Variants in SORBS2 observed in about 807,000 individuals in gnomAD.
The protein encoded by SORBS2 is sorbin and SH3 domain containing 2, also known as sorbin and SH3 domain-containing protein 2.
A neutral mutation model predicts 97.7 loss-of-function variants in SORBS2; 46 were observed. That is an observed-to-expected ratio of 0.47 (90% CI 0.37 to 0.60). The LOEUF (loss-of-function observed/expected upper bound fraction) is 0.60. Ranked by LOEUF, SORBS2 falls within the 20% of genes least tolerant of loss-of-function variation. The probability of loss-of-function intolerance (pLI) is 0.00; values close to 1 mark genes in which losing one functional copy is unlikely to be tolerated. For synonymous variants in SORBS2, 476 were observed against 473.4 expected, an observed-to-expected ratio of 1.01 and a Z score of -0.07; for missense variants, 1,316 against 1,282.3, an observed-to-expected ratio of 1.03 and a Z score of -0.40.
At chr4:185,887,463 G>A (rs766219802) in intron 1 of SORBS2, among the ~76,000 whole-genome samples, 4 of 152,140 alleles carry the variant, frequency 2.6e-5, no homozygotes, top group South Asian at 2.1e-4. Flanking sequence ...CAAAACTTGC[G>A]GGCATCGCAG....
chr4:185,724,371 A>G (rs569046758), intron 2 of SORBS2, among the ~76,000 whole-genome samples: 2 of 151,878 alleles, frequency 1.3e-5, no homozygotes, highest in African/African-American at 2.4e-5. Flanking sequence ...GCTAGTTAAT[A>G]GTCTTCATAG....
intron 2 of SORBS2, among the ~76,000 whole-genome samples, chr4:185,758,317 T>A (rs1409942643): frequency 6.6e-6 from 1 of 152,224 alleles, no homozygotes; most frequent in East Asian, 1.9e-4. Flanking sequence ...TAAGCCATCA[T>A]CTTTCTTGAT....
chr4:185,585,598 CA>C (rs1394650887), exon 15 of SORBS2: 2 of 151,802 alleles, frequency 1.3e-5, no homozygotes, highest in Non-Finnish European at 2.9e-5. Flanking sequence ...AATTCAAAGT[CA>C]ATTACCTGGA....
At chr4:185,621,507 A>G (rs1238801692) in intron 7 of SORBS2, among the ~76,000 whole-genome samples, 3 of 152,222 alleles carry the variant, frequency 2.0e-5, no homozygotes, top group Non-Finnish European at 4.4e-5. Flanking sequence ...TAGCTAATTT[A>G]TTAAAAAATG....
intron 2 of SORBS2, among the ~76,000 whole-genome samples, chr4:185,722,177 G>T (rs150838941): frequency 6.6e-6 from 1 of 152,126 alleles, no homozygotes; most frequent in Non-Finnish European, 1.5e-5. Flanking sequence ...ATGATGAAAC[G>T]GCTATGATCA....
rs144446536 is a variant in SORBS2 at position 185,930,055 on chromosome 4, C to T, written c.-338+26141G>A. The stretch of plus-strand genomic sequence containing the variant: ...AAGCACTTACCATGCATGGCACACA[C>T]GAGGGCAGAACAAATGTGTGTTATC... On this transcript the variant is annotated intron_variant, in intron 1 of 20. Coordinates refer to the SORBS2 transcript ENST00000284776. 1.2e-4 allele frequency among the ~76,000 whole-genome samples: 18 copies of T among 152,200 alleles called. No homozygotes were observed. In the East Asian group the frequency reaches 2.7e-3, roughly 23 times the overall value.
chr4:185,764,369 T>A (rs560362090), intron 2 of SORBS2, among the ~76,000 whole-genome samples: 1 of 152,210 alleles, frequency 6.6e-6, no homozygotes, highest in Non-Finnish European at 1.5e-5. Context: ...AATGACAAAC[T>A]ATTTGATAAC....
intron 1 of SORBS2, among the ~76,000 whole-genome samples, chr4:185,810,074 G>C (rs1395718967): frequency 6.6e-6 from 1 of 152,198 alleles, no homozygotes; most frequent in Non-Finnish European, 1.5e-5. Flanking sequence ...AACTAAGTCT[G>C]TTCATTTAGC....
intron 2 of SORBS2, among the ~76,000 whole-genome samples, chr4:185,711,888 C>T (rs538498668): frequency 4.3e-4 from 65 of 152,154 alleles, no homozygotes; most frequent in Non-Finnish European, 6.2e-4. Context: ...TGCTCCCCGC[C>T]ACCTATCCTC....
At chr4:185,657,645 C>G (rs749371013), upstream of SORBS2, 1 of 1,512,150 alleles carries the variant, frequency 6.6e-7, no homozygotes, top group South Asian at 1.2e-5. Context: ...CACAGGGAAT[C>G]ATAAATTCAT....
At chr4:185,843,462 A>G (rs1220079559) in intron 1 of SORBS2, among the ~76,000 whole-genome samples, 1 of 152,242 alleles carries the variant, frequency 6.6e-6, no homozygotes, top group African/African-American at 2.4e-5. Context: ...AAAGATATGC[A>G]AACAAGCTAC....
intron 1 of SORBS2, among the ~76,000 whole-genome samples, chr4:185,887,192 A>G (rs1031276685): frequency 3.3e-5 from 5 of 152,250 alleles, no homozygotes; most frequent in African/African-American, 9.6e-5. Flanking sequence ...GCACCCACCT[A>G]CATAGGCGCT....
At chr4:185,645,467 G>A (rs1024798008) in intron 4 of SORBS2, 1 of 152,124 alleles carries the variant, frequency 6.6e-6, no homozygotes, top group African/African-American at 2.4e-5. Context: ...TAAAGAAAGG[G>A]TAAGAAGGCT....
intron 2 of SORBS2, among the ~76,000 whole-genome samples, chr4:185,727,771 T>A (rs1159977107): frequency 6.6e-6 from 1 of 152,214 alleles, no homozygotes; most frequent in East Asian, 1.9e-4. Flanking sequence ...TAAATCAAGA[T>A]AAACAGCTTG....
intron 4 of SORBS2, among the ~76,000 whole-genome samples, chr4:185,635,846 ATTATT>A (rs36222022): frequency 0.49 from 73,036 of 150,332 alleles, 18,083 homozygotes; most frequent in South Asian, 0.57. Flanking sequence ...TTCTTTTTGA[ATTATT>A]TTATTTTATT....
At chr4:185,692,172 A>G (rs1027431239) in intron 2 of SORBS2, among the ~76,000 whole-genome samples, 1 of 152,212 alleles carries the variant, frequency 6.6e-6, no homozygotes, top group African/African-American at 2.4e-5. Context: ...CCTAAGTCCA[A>G]GAGCTCCCTG....
In SORBS2 at chr4:185,687,550, T is replaced by G. The variant is rs544273071; in HGVS notation, c.-197-8728A>C. On this transcript the variant is annotated intron_variant, in intron 2 of 20. Coordinates refer to the SORBS2 transcript ENST00000284776. Reference sequence around the variant, plus strand: ...AAGTATTTATAAAGTAATTATTAAGTTATTAAGTTGTTAGCACCTAACTAC... The same window carrying G: ...AAGTATTTATAAAGTAATTATTAAGGTATTAAGTTGTTAGCACCTAACTAC... Among the ~76,000 whole-genome samples the G allele has an allele frequency of 1.9e-3, 296 of 152,356 alleles. 1 individual carries two copies. The highest frequency in any genetic ancestry group is 6.9e-3 in the African/African-American group (286 of 41,588).
At chr4:185,949,721 T>C (rs2099276263) in intron 1 of SORBS2, among the ~76,000 whole-genome samples, 2 of 152,166 alleles carry the variant, frequency 1.3e-5, no homozygotes. Flanking sequence ...AGCAGTTGTC[T>C]GGTGAGAGAT....
At chr4:185,845,231 G>T (rs2099213904) in intron 1 of SORBS2, among the ~76,000 whole-genome samples, 2 of 151,954 alleles carry the variant, frequency 1.3e-5, no homozygotes, top group African/African-American at 4.8e-5. Flanking sequence ...GGTTGCCCAG[G>T]TTGGTCTCCA....
Sources: gnomAD v4.1 joint callset for allele counts (sites outside exome capture counted in the v4.1 genomes callset) on GRCh38, gnomAD v4.1.1 for gene constraint, MANE v1.5 for transcripts, NCBI Gene and HGNC (gene_info 2026-07-23, HGNC 2026-07-21) for gene names.